ARID3B: variants seen among roughly 807,000 people sequenced by gnomAD.
ARID3B encodes AT-rich interaction domain 3B, also known as AT-rich interactive domain-containing protein 3B.
ARID3B carries 10 observed loss-of-function variants against 51.9 expected under a neutral mutation model. That is an observed-to-expected ratio of 0.19 (90% CI 0.12 to 0.33). The LOEUF (loss-of-function observed/expected upper bound fraction) is 0.33. ARID3B is among the 10% of genes least tolerant of loss of function. ARID3B has a pLI of 1.00. For synonymous variants in ARID3B, 205 were observed against 279.5 expected, an observed-to-expected ratio of 0.73 and a Z score of 2.66; for missense variants, 483 against 716.3, an observed-to-expected ratio of 0.67 and a Z score of 3.72.
chr15:74,556,805 C>T (rs539226847), intron 2 of ARID3B, among the ~76,000 whole-genome samples: 4 of 126,706 alleles, frequency 3.2e-5, no homozygotes, highest in East Asian at 2.8e-4. Context: ...GACGGAGTCT[C>T]ACTCTGTTGC....
At chr15:74,573,615 G>A (rs1042669110) in intron 4 of ARID3B, 6 of 232,574 alleles carry the variant, frequency 2.6e-5, no homozygotes, top group Admixed American at 2.1e-4. Flanking sequence ...GGATATTTTG[G>A]AAGGGTCTGA....
At chr15:74,570,359 C>G (rs1346902681) in intron 2 of ARID3B, among the ~76,000 whole-genome samples, 1 of 149,256 alleles carries the variant, frequency 6.7e-6, no homozygotes, top group East Asian at 1.9e-4. Context: ...TGTGGAAAGC[C>G]CTGTCTGACT....
intron 4 of ARID3B, among the ~76,000 whole-genome samples, chr15:74,580,906 A>T (rs1255641360): frequency 6.6e-6 from 1 of 152,212 alleles, no homozygotes; most frequent in African/African-American, 2.4e-5. Flanking sequence ...GTAGAACCTG[A>T]TGTGCAAGAT....
chr15:74,542,287 G>A (rs907555137), intron 1 of ARID3B, among the ~76,000 whole-genome samples: 2 of 152,224 alleles, frequency 1.3e-5, no homozygotes, highest in African/African-American at 4.8e-5. Context: ...TAATGTGGAT[G>A]TAAATCTTGT....
chr15:74,550,252 T>C (rs1412224971), intron 2 of ARID3B, among the ~76,000 whole-genome samples: 1 of 152,210 alleles, frequency 6.6e-6, no homozygotes, highest in Admixed American at 6.5e-5. Flanking sequence ...ATCTTTGATA[T>C]CTTTGGTGAT....
intron 4 of ARID3B, 36 bp from the exon 5 acceptor site, chr15:74,589,784 A>G (rs752274285): frequency 5.1e-6 from 8 of 1,573,576 alleles, no homozygotes; most frequent in Admixed American, 1.8e-5. Context: ...CCTGATGATG[A>G]TCCCGCTGTC....
intron 4 of ARID3B, among the ~76,000 whole-genome samples, chr15:74,582,104 C>T (rs948560075): frequency 6.6e-6 from 1 of 152,198 alleles, no homozygotes; most frequent in Non-Finnish European, 1.5e-5. Context: ...GCAGGGAAGA[C>T]CCTGCAGTCC....
At chr15:74,592,726 G>A (rs2061808399) in intron 7 of ARID3B, among the ~76,000 whole-genome samples, 1 of 152,234 alleles carries the variant, frequency 6.6e-6, no homozygotes, top group African/African-American at 2.4e-5. Flanking sequence ...CTCTCTCTGA[G>A]GGACTCAGAG....
intron 7 of ARID3B, among the ~76,000 whole-genome samples, chr15:74,592,596 G>A (rs534606634): frequency 1.5e-4 from 23 of 152,208 alleles, no homozygotes; most frequent in Non-Finnish European, 2.6e-4. Context: ...ACAGCTCACC[G>A]GGAAGAATTC....
At position 74,572,845 on chromosome 15, in the gene ARID3B, G is replaced by GT. The variant is rs901803282; in HGVS notation, c.553-13dup. 1 of 1,613,864 alleles carries GT rather than the reference G, an allele frequency of 6.2e-7. No individual in the cohort carries two copies. The highest frequency in any genetic ancestry group is 1.3e-5 in the African/African-American group (1 of 75,034). On this transcript the variant is annotated splice_polypyrimidine_tract_variant and intron_variant, in intron 2 of 8. Transcript: ENST00000346246. The stretch of plus-strand genomic sequence containing the variant: ...CTTCCTTTGCCCCTCTCAACTTTGT[G>GT]TTTTGTTCCCTTTTAGAATGGTGGT...
At position 74,597,800 on chromosome 15, in the gene ARID3B, C is replaced by G. The variant is rs867297884; in HGVS notation, c.*2026C>G. On this transcript the variant is annotated 3_prime_UTR_variant, in exon 9 of 9. Transcript: ENST00000346246. ...CCCCAGGCAGCTCGCCTGGCCACAC[C>G]GTTGGAGTGAACCCTCACTGCCCTC... 85 of 473,132 alleles carry G rather than the reference C, an allele frequency of 1.8e-4. No homozygotes were observed. The highest frequency in any genetic ancestry group is 1.3e-3 in the African/African-American group (70 of 52,162). The allele number at this position is 473,132 out of a possible 1,614,324, so 29.3% of individuals were successfully genotyped here.
intron 2 of ARID3B, among the ~76,000 whole-genome samples, chr15:74,570,614 A>T (rs1422210275): frequency 1.3e-5 from 2 of 152,208 alleles, no homozygotes; most frequent in Non-Finnish European, 2.9e-5. Context: ...AGCTGACATA[A>T]CAGAAGCGGC....
chr15:74,580,893 A>G (rs1438906849), intron 4 of ARID3B, among the ~76,000 whole-genome samples: 1 of 152,224 alleles, frequency 6.6e-6, no homozygotes, highest in African/African-American at 2.4e-5. Context: ...TGATGAACAC[A>G]GGGTAGAACC....
In ARID3B at chr15:74,551,849, ACTC is replaced by A. The variant is rs370957031; in HGVS notation, c.552+7365_552+7367del. 6.8e-4 allele frequency among the ~76,000 whole-genome samples: 103 copies of A among 151,292 alleles called. 5 individuals carry two copies. In the South Asian group the frequency reaches 7.9e-3, roughly 12 times the overall value. On this transcript the variant is annotated intron_variant, in intron 2 of 8. Transcript: ENST00000346246. ...TATTTCCATTTGTCACCTCCTACTC[ACTC>A]CTCAGCATACTCCAGTCTGATCTCT...
rs1461026481 is a variant in ARID3B at position 74,544,336 on chromosome 15, G to C, written c.400G>C (p.Val134Leu). ...VQKVARQDPR[V>L]APMSNLLPAP... is the part of the protein sequence containing the mutation. The stretch of plus-strand genomic sequence containing the variant: ...GAAAGTAGCTCGCCAAGATCCCAGA[G>C]TGGCACCCATGTCCAATCTACTTCC... Residue 134 changes from valine (V) to leucine (L), a missense_variant, in exon 2 of 9, where the codon GTG becomes CTG. Val to Leu is a conservative substitution (Grantham distance 32). Coordinates refer to ENST00000346246, the MANE Select transcript of ARID3B (RefSeq NM_006465.4). The C allele has an allele frequency of 1.9e-6, 3 of 1,612,094 alleles. No individual in the cohort carries two copies. The African/African-American group carries it at 4.0e-5, about 22-fold the overall frequency.
intron 4 of ARID3B, among the ~76,000 whole-genome samples, chr15:74,587,125 G>A (rs1482718846): frequency 6.6e-6 from 1 of 152,186 alleles, no homozygotes; most frequent in Non-Finnish European, 1.5e-5. Context: ...GATGGGCTAG[G>A]TAAGCAATAA....
chr15:74,597,970 T>G lies in ARID3B; in HGVS notation c.*2196T>G, dbSNP rs1370120869. The G allele has an allele frequency of 5.6e-6, 3 of 532,146 alleles. No homozygotes were observed. Among genetic ancestry groups the G allele is most frequent in the Non-Finnish European group, 1.1e-5 (3 of 273,628 alleles). The allele number at this position is 532,146 out of a possible 1,614,324, so 33.0% of individuals were successfully genotyped here. On this transcript the variant is annotated 3_prime_UTR_variant, in exon 9 of 9. Coordinates refer to ENST00000346246, the MANE Select transcript of ARID3B (RefSeq NM_006465.4). ...GTCCCCTCCTGCTCTCCATCTTATATGTATTCTAACCAGGAAAAATGTGAT... is the reference window on the plus strand; with the variant it reads ...GTCCCCTCCTGCTCTCCATCTTATAGGTATTCTAACCAGGAAAAATGTGAT...
At chr15:74,588,543 G>A (rs1413069983) in intron 4 of ARID3B, among the ~76,000 whole-genome samples, 1 of 152,194 alleles carries the variant, frequency 6.6e-6, no homozygotes. Flanking sequence ...AGTAAAAGGA[G>A]TTTGCCATCA....
At chr15:74,555,312 A>C (rs2061653565) in intron 2 of ARID3B, among the ~76,000 whole-genome samples, 1 of 151,880 alleles carries the variant, frequency 6.6e-6, no homozygotes, top group South Asian at 2.1e-4. Flanking sequence ...ACAACAGTGA[A>C]GTTTGCTACG....
Sources: gnomAD v4.1 joint callset for allele counts (sites outside exome capture counted in the v4.1 genomes callset) on GRCh38, gnomAD v4.1.1 for gene constraint, MANE v1.5 for transcripts, NCBI Gene and HGNC (gene_info 2026-07-23, HGNC 2026-07-21) for gene names.